Variants in KDSR observed in about 807,000 individuals in gnomAD.
KDSR encodes the protein 3-dehydrosphinganine reductase.
KDSR carries 23 observed loss-of-function variants against 41.3 expected under a neutral mutation model. The observed-to-expected ratio is 0.56, with a 90% CI of 0.40 to 0.79. KDSR has a LOEUF of 0.79. KDSR is among the 30% of genes least tolerant of loss of function. KDSR has a pLI of 0.00. For missense variants in KDSR, 351 were observed against 416.8 expected (o/e 0.84, Z 1.37); for synonymous variants, 138 against 151.7 (o/e 0.91, Z 0.66).
chr18:63,342,359 G>A (rs931504720), intron 7 of KDSR, among the ~76,000 whole-genome samples: 18 of 152,196 alleles, frequency 1.2e-4, no homozygotes, highest in Non-Finnish European at 1.2e-4. Context: ...AGAAGGGAAC[G>A]TGCAGTGTGA....
At chr18:63,359,867 A>T in intron 2 of KDSR, 75 bp from the exon 3 acceptor site, 1 of 1,006,982 alleles carries the variant, frequency 9.9e-7, no homozygotes, top group Non-Finnish European at 1.6e-6. Flanking sequence ...GAGAGAAAAA[A>T]AGCAATTATT....
rs191767352 is a variant in KDSR, at chr18:63,350,094, A to G, written c.609+794T>C. Among the ~76,000 whole-genome samples the G allele has an allele frequency of 2.2e-3, 337 of 152,346 alleles. 1 individual carries two copies. Among genetic ancestry groups the G allele is most frequent in the African/African-American group, 7.7e-3 (321 of 41,574 alleles). ...GTCTTAGCTCACATCCCTTGCGGAT[A>G]AGAGGGGATGACTGTACACAGCAAT... On this transcript the variant is annotated intron_variant, in intron 6 of 9. Coordinates refer to ENST00000645214, the MANE Select transcript of KDSR (RefSeq NM_002035.4).
At chr18:63,359,474 TA>T (rs971500746) in intron 3 of KDSR, 1,235 of 343,756 alleles carry the variant, frequency 3.6e-3, no homozygotes, top group South Asian at 4.5e-3. Flanking sequence ...TAAAGTTCAT[TA>T]AAAAAAAAAT....
chr18:63,343,801 G>A (rs763476279), intron 7 of KDSR, among the ~76,000 whole-genome samples: 23 of 152,076 alleles, frequency 1.5e-4, no homozygotes, highest in Non-Finnish European at 3.2e-4. Flanking sequence ...TACCTCTAGG[G>A]AGTAGGAATT....
rs191023885 is a variant in KDSR, at chr18:63,362,660, C to T, written c.198+119G>A. On this transcript the variant is annotated intron_variant, in intron 2 of 9. Coordinates refer to ENST00000645214, the MANE Select transcript of KDSR (RefSeq NM_002035.4). ...GAGAGAATCAGTAGTTCAGGAAACACATCTCACATCAAGGAAGAAGCGCTT... is the reference window on the plus strand; with the variant it reads ...GAGAGAATCAGTAGTTCAGGAAACATATCTCACATCAAGGAAGAAGCGCTT... The T allele has an allele frequency of 1.1e-3, 727 of 657,290 alleles. 3 individuals are homozygous for T. In the African/African-American group the frequency reaches 0.013, roughly 11 times the overall value. 40.7% of individuals were successfully genotyped at this position (657,290 alleles called of 1,614,324 possible).
chr18:63,367,112 G>C lies in KDSR; in HGVS notation c.7C>G (p.Leu3Val). The C allele has an allele frequency of 7.5e-7, 1 of 1,328,898 alleles. No homozygotes were observed. Among genetic ancestry groups the C allele is most frequent in the Non-Finnish European group, 9.7e-7 (1 of 1,035,756 alleles). 82.3% of individuals were successfully genotyped at this position (1,328,898 alleles called of 1,614,324 possible). A position where few individuals can be genotyped will look rare whatever the true frequency, so the allele number is the denominator to read the frequency against. ML[L>V]LAAAFLVAFV... ...GCCACGAGGAAGGCGGCAGCCAGCA[G>C]CAGCATCGCTCCGCGGGGCCAGGGG... Residue 3 changes from leucine to valine, a missense_variant, in exon 1 of 10, where the codon CTG becomes GTG. By Grantham distance (32) the Leu-to-Val change is conservative (BLOSUM62 1). Transcript: ENST00000645214.
chr18:63,350,378 T>C (rs1016597702), intron 6 of KDSR, among the ~76,000 whole-genome samples: 1 of 152,212 alleles, frequency 6.6e-6, no homozygotes, highest in Non-Finnish European at 1.5e-5. Context: ...ATATAAATAT[T>C]GGGAGAGTCA....
At chr18:63,357,143 T>C (rs981783966) in intron 3 of KDSR, among the ~76,000 whole-genome samples, 4 of 152,166 alleles carry the variant, frequency 2.6e-5, no homozygotes, top group Non-Finnish European at 4.4e-5. Context: ...AGTGAAATAC[T>C]ATTCAAAACT....
intron 2 of KDSR, among the ~76,000 whole-genome samples, chr18:63,362,018 C>T (rs925905479): frequency 6.6e-6 from 1 of 152,178 alleles, no homozygotes; most frequent in Non-Finnish European, 1.5e-5. Context: ...GCCATGCTGA[C>T]ATTCCCAGGC....
chr18:63,346,286 T>C (rs1256829515), intron 6 of KDSR: 2 of 152,302 alleles, frequency 1.3e-5, no homozygotes, highest in Non-Finnish European at 2.9e-5. Context: ...GTAAGGCAGA[T>C]GAGCCAGAAA....
rs978539904 is a variant in KDSR, at chr18:63,331,826, T to C, written c.955A>G (p.Met319Val). The stretch of plus-strand genomic sequence containing the variant: ...TTTTCAGATTTTTCTCTCTGCATCA[T>C]GCAGCGACGAACTATGCTGTCAAAA... The part of the protein sequence containing the change: ...GSFDSIVRRC[M>V]MQREKSENAD... The change falls in exon 10 of 10, where the codon ATG becomes GTG. Residue 319 changes from methionine to valine, a missense_variant. By Grantham distance (21) the Met-to-Val change is conservative. Transcript: ENST00000645214. 6.2e-7 allele frequency: 1 copy of C among 1,614,086 alleles called. No homozygotes were observed. Among genetic ancestry groups the C allele is most frequent in the Non-Finnish European group, 8.5e-7 (1 of 1,179,986 alleles).
At chr18:63,344,266 T>G in intron 7 of KDSR, 144 bp downstream of exon 7, 1 of 568,404 alleles carries the variant, frequency 1.8e-6, no homozygotes, top group Non-Finnish European at 3.2e-6. Context: ...GCCTGGAGAA[T>G]CTCAAGGTCA....
At chr18:63,359,657 C>G in intron 3 of KDSR, 79 bp downstream of exon 3, 1 of 908,884 alleles carries the variant, frequency 1.1e-6, no homozygotes, top group African/African-American at 1.6e-5. Context: ...TAACTATTCA[C>G]AGGTGAAGTA....
At chr18:63,351,373 C>A (rs1914658560) in intron 5 of KDSR, among the ~76,000 whole-genome samples, 1 of 152,152 alleles carries the variant, frequency 6.6e-6, no homozygotes, top group Admixed American at 6.5e-5. Flanking sequence ...TAGTTTTCTC[C>A]TTATAAAAAG....
chr18:63,365,533 C>A (rs1031743243), intron 1 of KDSR, among the ~76,000 whole-genome samples: 2 of 152,160 alleles, frequency 1.3e-5, no homozygotes, highest in Admixed American at 1.3e-4. Context: ...AAAATAAATT[C>A]TTCTTGGTCC....
In KDSR at chr18:63,335,328, C is replaced by T. The variant is rs1914121858; in HGVS notation, c.808G>A (p.Asp270Asn). ...GTCAGGGCCGAGAGCATGTACCCAT[C>T]TGAGCCAAGGGAACTGTTGAAATTT... is the stretch of plus-strand genomic sequence containing the variant. ...QGNFNSSLGSDGYMLSALTCG... is the reference protein window; with the variant it reads ...QGNFNSSLGSNGYMLSALTCG... Residue 270 changes from aspartate (D) to asparagine (N), a missense_variant, in exon 9 of 10, where the codon GAT (aspartate) becomes AAT (asparagine). By Grantham distance (23) the Asp-to-Asn change is conservative. Coordinates refer to ENST00000645214, the MANE Select transcript of KDSR (RefSeq NM_002035.4). 6.2e-7 allele frequency: 1 copy of T among 1,613,946 alleles called. No homozygotes were observed. The highest frequency in any genetic ancestry group is 1.1e-5 in the South Asian group (1 of 91,060).
At chr18:63,358,299 A>G (rs1914862155) in intron 3 of KDSR, among the ~76,000 whole-genome samples, 1 of 152,188 alleles carries the variant, frequency 6.6e-6, no homozygotes, top group African/African-American at 2.4e-5. Context: ...CTAGCTGAGA[A>G]GAGGCTGGGA....
intron 9 of KDSR, among the ~76,000 whole-genome samples, chr18:63,333,904 G>A (rs1438080875): frequency 6.6e-6 from 1 of 152,200 alleles, no homozygotes; most frequent in South Asian, 2.1e-4. Flanking sequence ...TGACAAGGAT[G>A]ACAATGATCT....
intron 3 of KDSR, among the ~76,000 whole-genome samples, chr18:63,355,766 A>T (rs1914777738): frequency 6.6e-6 from 1 of 152,216 alleles, no homozygotes; most frequent in South Asian, 2.1e-4. Context: ...GAATCTTTTT[A>T]AAAATATATA....
Sources: gnomAD v4.1 joint callset for allele counts (sites outside exome capture counted in the v4.1 genomes callset) on GRCh38, gnomAD v4.1.1 for gene constraint, MANE v1.5 for transcripts, NCBI Gene and HGNC (gene_info 2026-07-23, HGNC 2026-07-21) for gene names.